The following GNPDA2 variants were observed in gnomAD, a reference collection of about 807,000 sequenced individuals.
The protein encoded by GNPDA2 is glucosamine-6-phosphate deaminase 2, also known as glcN6P deaminase 2.
In GNPDA2, 24 loss-of-function variants were observed where a neutral mutation model predicts 27.0. The ratio of observed to expected loss-of-function variants is 0.89; its 90% confidence interval spans 0.64 to 1.25. The LOEUF is 1.25. GNPDA2 is among the 50% of genes most tolerant of loss of function. GNPDA2 has a pLI of 0.00. For missense variants in GNPDA2, 286 were observed against 335.1 expected (o/e 0.85, Z 1.14); for synonymous variants, 94 against 108.4 (o/e 0.87, Z 0.83).
intron 1 of GNPDA2, among the ~76,000 whole-genome samples, chr4:44,724,647 C>T (rs909785481): frequency 2.0e-5 from 3 of 152,034 alleles, no homozygotes; most frequent in African/African-American, 7.2e-5. Flanking sequence ...GTTTTGTACC[C>T]ACACACTTTA....
At chr4:44,716,718 G>A (rs1045801362) in intron 4 of GNPDA2, among the ~76,000 whole-genome samples, 7 of 151,940 alleles carry the variant, frequency 4.6e-5, no homozygotes, top group African/African-American at 1.7e-4. Context: ...TCATGCAAAC[G>A]TTTAAACTCT....
chr4:44,715,708 A>G (rs1717244924), intron 4 of GNPDA2, among the ~76,000 whole-genome samples: 1 of 152,070 alleles, frequency 6.6e-6, no homozygotes, highest in African/African-American at 2.4e-5. Flanking sequence ...TTACTGAAGT[A>G]ATATTAGTAA....
intron 4 of GNPDA2, among the ~76,000 whole-genome samples, chr4:44,713,741 A>C (rs1717111269): frequency 6.6e-6 from 1 of 151,840 alleles, no homozygotes; most frequent in African/African-American, 2.4e-5. Flanking sequence ...TTAGCCGGGC[A>C]TGGCGGCAAG....
At chr4:44,716,357 T>C (rs942500666) in intron 4 of GNPDA2, among the ~76,000 whole-genome samples, 1 of 151,942 alleles carries the variant, frequency 6.6e-6, no homozygotes, top group African/African-American at 2.4e-5. Flanking sequence ...GTATTTTTAG[T>C]TGAATATTAA....
intron 2 of GNPDA2, among the ~76,000 whole-genome samples, chr4:44,719,837 T>C (rs1400508526): frequency 6.6e-6 from 1 of 152,162 alleles, no homozygotes; most frequent in Admixed American, 6.5e-5. Context: ...ATATTTGCTT[T>C]GTAATAGTCA....
chr4:44,715,684 A>T (rs971119265), intron 4 of GNPDA2, among the ~76,000 whole-genome samples: 3 of 152,074 alleles, frequency 2.0e-5, no homozygotes, highest in African/African-American at 7.2e-5. Flanking sequence ...GGAGTATGCA[A>T]ATGTTCTCTA....
Position 44,703,026 on chromosome 4 carries a change from A to T in GNPDA2, c.*55T>A. The T allele has an allele frequency of 6.3e-7, 1 of 1,599,610 alleles. No homozygotes were observed. On this transcript the variant is annotated 3_prime_UTR_variant, in exon 7 of 7. Transcript: ENST00000295448. ...ATATTGCATAGCTGAAAATTCATCT[A>T]CTACTTAGTAAAAAGTGCTCTGTTC...
chr4:44,703,546 G>T, intron 6 of GNPDA2: 1 of 994,882 alleles, frequency 1.0e-6, no homozygotes, highest in African/African-American at 1.7e-5. Context: ...CAGAACTGCT[G>T]TCTCACTCTT....
chr4:44,721,875 T>C (rs1717689661), intron 2 of GNPDA2, among the ~76,000 whole-genome samples: 1 of 152,090 alleles, frequency 6.6e-6, no homozygotes, highest in African/African-American at 2.4e-5. Context: ...GAGTGACAGG[T>C]GAGACTAAAT....
intron 2 of GNPDA2, among the ~76,000 whole-genome samples, chr4:44,719,378 C>T (rs183360489): frequency 1.5e-4 from 23 of 151,942 alleles, no homozygotes; most frequent in Admixed American, 1.4e-3. Flanking sequence ...CTGACAAAAA[C>T]AAATACAAAG....
intron 1 of GNPDA2, among the ~76,000 whole-genome samples, chr4:44,724,869 A>G (rs1366628298): frequency 6.6e-6 from 1 of 152,224 alleles, no homozygotes; most frequent in African/African-American, 2.4e-5. Flanking sequence ...AATTCAGTCC[A>G]ACAACTGGAC....
chr4:44,723,378 T>C (rs185984437), intron 1 of GNPDA2, among the ~76,000 whole-genome samples: 1 of 152,286 alleles, frequency 6.6e-6, no homozygotes, highest in East Asian at 1.9e-4. Flanking sequence ...ATCCTAGCAA[T>C]TTCTCATCAT....
Position 44,702,262 on chromosome 4 carries a change from T to C in GNPDA2, c.*819A>G. 1 of 608,934 alleles carries C rather than the reference T, an allele frequency of 1.6e-6. No homozygotes were observed. The highest frequency in any genetic ancestry group is 7.2e-5 in the South Asian group (1 of 13,834). 37.7% of individuals were successfully genotyped at this position (608,934 alleles called of 1,614,324 possible). ...TAATTCCTTTTATATATACTTCGTA[T>C]TATTCTTTTAGACATTTTATAAGGA... On this transcript the variant is annotated 3_prime_UTR_variant, in exon 7 of 7. Coordinates refer to ENST00000295448, the MANE Select transcript of GNPDA2 (RefSeq NM_138335.3).
intron 6 of GNPDA2, chr4:44,704,488 A>T (rs888719761): frequency 7.8e-6 from 6 of 768,798 alleles, no homozygotes; most frequent in East Asian, 1.3e-4. Flanking sequence ...CCTTTATAAA[A>T]TTTTTTTCTT....
intron 6 of GNPDA2, chr4:44,705,937 G>C (rs1158220357): frequency 6.6e-6 from 1 of 151,864 alleles, no homozygotes; most frequent in Non-Finnish European, 1.5e-5. Flanking sequence ...AGAGATACTG[G>C]CTGTTATTAA....
At position 44,702,973 on chromosome 4, in the gene GNPDA2, C is replaced by G; in HGVS notation, c.*108G>C. On this transcript the variant is annotated 3_prime_UTR_variant, in exon 7 of 7. Transcript: ENST00000295448. ...CATAGAGACTCGAATGAAAAAATGA[C>G]AATCTTCAAAATTCCCCATGTTTTG... 1 of 1,547,204 alleles carries G rather than the reference C, an allele frequency of 6.5e-7. No homozygotes were observed. Among genetic ancestry groups the G allele is most frequent in the Admixed American group, 2.2e-5 (1 of 44,766 alleles).
At position 44,702,998 on chromosome 4, in the gene GNPDA2, G is replaced by A; in HGVS notation, c.*83C>T. 1 of 1,575,938 alleles carries A rather than the reference G, an allele frequency of 6.3e-7. No individual in the cohort carries two copies. The highest frequency in any genetic ancestry group is 8.6e-7 in the Non-Finnish European group (1 of 1,168,632). ...CAATCTTCAAAATTCCCCATGTTTT[G>A]TCATATTGCATAGCTGAAAATTCAT... On this transcript the variant is annotated 3_prime_UTR_variant, in exon 7 of 7. Coordinates refer to ENST00000295448, the MANE Select transcript of GNPDA2 (RefSeq NM_138335.3).
chr4:44,723,771 G>A (rs1400674580), intron 1 of GNPDA2, among the ~76,000 whole-genome samples: 3 of 152,144 alleles, frequency 2.0e-5, no homozygotes, highest in African/African-American at 7.2e-5. Context: ...AGCAGCGAAA[G>A]CAGGGATACT....
intron 5 of GNPDA2, among the ~76,000 whole-genome samples, chr4:44,710,546 A>G (rs1716909140): frequency 6.6e-6 from 1 of 152,194 alleles, no homozygotes; most frequent in Non-Finnish European, 1.5e-5. Context: ...ATCATCCTAC[A>G]TAACATACAG....
Sources: gnomAD v4.1 joint callset for allele counts (sites outside exome capture counted in the v4.1 genomes callset) on GRCh38, gnomAD v4.1.1 for gene constraint, MANE v1.5 for transcripts, NCBI Gene and HGNC (gene_info 2026-07-23, HGNC 2026-07-21) for gene names.